ZNF236: variants seen among roughly 807,000 people sequenced by gnomAD.
ZNF236 encodes the protein zinc finger protein 236, also known as regulated by glucose.
ZNF236 carries 50 observed loss-of-function variants against 191.2 expected under a neutral mutation model. The observed-to-expected ratio is 0.26, with a 90% CI of 0.21 to 0.33. ZNF236 has a LOEUF of 0.33. ZNF236 is among the 10% of genes least tolerant of loss of function. The probability of loss-of-function intolerance (pLI) is 1.00; values close to 1 mark genes in which losing one functional copy is unlikely to be tolerated. For missense variants in ZNF236, 1,754 were observed against 2,374.5 expected (o/e 0.74, Z 5.43); for synonymous variants, 907 against 928.8 (o/e 0.98, Z 0.43).
In ZNF236 at chr18:76,880,756, G is replaced by C. The variant is rs1976869585; in HGVS notation, c.1188+440G>C. 6.6e-6 allele frequency among the ~76,000 whole-genome samples: 1 copy of C among 152,142 alleles called. No individual in the cohort carries two copies. The highest frequency in any genetic ancestry group is 6.5e-5 in the Admixed American group (1 of 15,280). ...GGGCAGCACCTGCACGTGTGGGAGA[G>C]GAGGGGGGCAGGAGCGCAGAGCCCC... On this transcript the variant is annotated intron_variant, in intron 8 of 30. Transcript: ENST00000320610. This position sits in a 1 kb window ranked among gnomAD's most constrained non-coding sequence, Gnocchi z 5.0.
At chr18:76,929,009 A>C (rs1363999047) in intron 25 of ZNF236, among the ~76,000 whole-genome samples, 1 of 148,702 alleles carries the variant, frequency 6.7e-6, no homozygotes, top group African/African-American at 2.5e-5. Context: ...CTGATGTGAC[A>C]GAGGGAAGCA....
chr18:76,908,875 G>A (rs971895627), intron 14 of ZNF236, among the ~76,000 whole-genome samples: 2 of 152,060 alleles, frequency 1.3e-5, no homozygotes, highest in African/African-American at 2.4e-5. Flanking sequence ...TTTTAGGACT[G>A]CAGCAAAATC....
At chr18:76,949,213 A>AT (rs1197616240) in intron 27 of ZNF236, among the ~76,000 whole-genome samples, 1 of 152,166 alleles carries the variant, frequency 6.6e-6, no homozygotes, top group Non-Finnish European at 1.5e-5. Flanking sequence ...TAATTCCTAT[A>AT]TTTTATGTGA....
chr18:76,879,246 T>G (rs1416384418), intron 7 of ZNF236, among the ~76,000 whole-genome samples: 1 of 152,216 alleles, frequency 6.6e-6, no homozygotes. Context: ...TATAGGGATT[T>G]AGAAACCTGG....
At chr18:76,914,002 C>A in intron 18 of ZNF236, 104 bp downstream of exon 18, 1 of 1,286,746 alleles carries the variant, frequency 7.8e-7, no homozygotes, top group Non-Finnish European at 1.1e-6. Flanking sequence ...GTGTACAATT[C>A]AGTGATTTTT....
intron 11 of ZNF236, among the ~76,000 whole-genome samples, chr18:76,902,702 G>A (rs948593291): frequency 6.6e-6 from 1 of 151,306 alleles, no homozygotes; most frequent in African/African-American, 2.4e-5. Flanking sequence ...TTCCTGAGTA[G>A]CTAGGACTAC....
chr18:76,966,617 C>G lies in ZNF236; in HGVS notation c.5420-1598C>G, dbSNP rs975599261. On this transcript the variant is annotated intron_variant, in intron 30 of 30. Transcript: ENST00000320610. ...GCAGTTCAGGTGCTGTCTCGGTGCTCAGGGGCACAGAGCAAACAGAATCTG... is the reference window on the plus strand; with the variant it reads ...GCAGTTCAGGTGCTGTCTCGGTGCTGAGGGGCACAGAGCAAACAGAATCTG... Among the ~76,000 whole-genome samples, 16 of 152,284 alleles carry G rather than the reference C, an allele frequency of 1.1e-4. No individual in the cohort carries two copies. In the South Asian group the frequency reaches 2.5e-3, roughly 24 times the overall value.
chr18:76,887,049 A>G (rs1977078833), intron 9 of ZNF236: 5 of 155,140 alleles, frequency 3.2e-5, no homozygotes, highest in African/African-American at 1.2e-4. Flanking sequence ...GTCAATGCTG[A>G]AAAACCCAGC....
At position 76,927,021 on chromosome 18, in the gene ZNF236, C is replaced by G; in HGVS notation, c.4028-16C>G. On this transcript the variant is annotated splice_polypyrimidine_tract_variant and intron_variant, in intron 22 of 30. Coordinates refer to ENST00000320610, the MANE Select transcript of ZNF236 (RefSeq NM_001306089.2). This position sits in a 1 kb window ranked among gnomAD's most constrained non-coding sequence, Gnocchi z 5.4. ...TTCATAATATTTGATCATTCTCTTT[C>G]TCTTTCTCTGGCCAGCTGGGGGTGA... 4 of 1,590,632 alleles carry G rather than the reference C, an allele frequency of 2.5e-6. No homozygotes were observed. The highest frequency in any genetic ancestry group is 3.4e-6 in the Non-Finnish European group (4 of 1,165,724).
intron 17 of ZNF236, among the ~76,000 whole-genome samples, chr18:76,913,124 A>G (rs929031062): frequency 1.3e-5 from 2 of 152,258 alleles, no homozygotes; most frequent in African/African-American, 4.8e-5. Flanking sequence ...AATGGACAAA[A>G]GAGACATACT....
rs1029152287 is a variant in ZNF236, at chr18:76,970,736, A to T, written c.*2397A>T. On this transcript the variant is annotated 3_prime_UTR_variant, in exon 31 of 31. Transcript: ENST00000320610. ...AAGATGAAGTTAGGAAATGTGATTA[A>T]TTTTTTTCGTTTGAAAATATTTAAG... The T allele has an allele frequency of 3.3e-5, 5 of 152,372 alleles. No individual in the cohort carries two copies. The East Asian group carries it at 5.8e-4, about 18-fold the overall frequency. 9.4% of individuals were successfully genotyped at this position (152,372 alleles called of 1,614,324 possible).
rs1968850956 is a variant in ZNF236 at position 76,968,900 on chromosome 18, C to T, written c.*561C>T. On this transcript the variant is annotated 3_prime_UTR_variant, in exon 31 of 31. Transcript: ENST00000320610. ...TACCATAAGTTAATATAACTGATAC[C>T]TTGAGAGATGGCTGGACCAATTCTC... 1.0e-6 allele frequency: 1 copy of T among 984,910 alleles called. No homozygotes were observed. Among genetic ancestry groups the T allele is most frequent in the Non-Finnish European group, 1.2e-6 (1 of 829,766 alleles). The allele number at this position is 984,910 out of a possible 1,614,324, so 61.0% of individuals were successfully genotyped here.
chr18:76,902,674 C>T (rs773111073), intron 11 of ZNF236, among the ~76,000 whole-genome samples: 1 of 152,102 alleles, frequency 6.6e-6, no homozygotes, highest in East Asian at 1.9e-4. Context: ...CGGGTTCAAG[C>T]GATTCTCCTG....
Position 76,853,883 on chromosome 18 carries a change from C to T in ZNF236, c.363+1944C>T, listed in dbSNP as rs182563343. Among the ~76,000 whole-genome samples the T allele has an allele frequency of 9.2e-5, 14 of 151,840 alleles. No homozygotes were observed. The East Asian group carries it at 2.5e-3, about 27-fold the overall frequency. The stretch of plus-strand genomic sequence containing the variant: ...AAAATTAGCCAGGCATGGTGGCAGG[C>T]CCTATAATCCCAGCTACTCCGGAGG... On this transcript the variant is annotated intron_variant, in intron 3 of 30. Transcript: ENST00000320610.
intron 25 of ZNF236, among the ~76,000 whole-genome samples, chr18:76,932,624 C>A (rs1251133643): frequency 6.6e-6 from 1 of 152,170 alleles, no homozygotes; most frequent in African/African-American, 2.4e-5. Context: ...TGGATTCATG[C>A]CCTGCTGGCC....
chr18:76,908,464 C>T lies in ZNF236; in HGVS notation c.2442C>T (p.Val814=), dbSNP rs377268404. ...AGCTGCCGCAGACGGCAGAGGTGGT[C>T]GCAGCGAACCCCGAGGCCATGCTGG... ...SDELPQTAEV[V]AANPEAMLDL... is the part of the protein sequence containing the mutation. Residue 814 remains valine (V), a synonymous_variant, in exon 14 of 31, where the codon GTC becomes GTT. Coordinates refer to ENST00000320610, the MANE Select transcript of ZNF236 (RefSeq NM_001306089.2). The T allele has an allele frequency of 1.1e-4, 175 of 1,614,172 alleles. No homozygotes were observed. In the South Asian group the frequency reaches 1.2e-3, roughly 11 times the overall value.
intron 14 of ZNF236, 43 bp downstream of exon 14, chr18:76,908,616 G>A (rs749494447): frequency 6.4e-7 from 1 of 1,562,566 alleles, no homozygotes; most frequent in Non-Finnish European, 8.6e-7. Flanking sequence ...TCCCAGCAGA[G>A]TTTTGCAGCC....
chr18:76,932,013 G>A (rs1192261370), intron 25 of ZNF236, among the ~76,000 whole-genome samples: 1 of 152,230 alleles, frequency 6.6e-6, no homozygotes, highest in Non-Finnish European at 1.5e-5. Flanking sequence ...TATAGTGTCT[G>A]CTGTGTGCTA....
At position 76,897,369 on chromosome 18, in the gene ZNF236, A is replaced by G. The variant is rs117600922; in HGVS notation, c.1691-1650A>G. Among the ~76,000 whole-genome samples, 364 of 151,610 alleles carry G rather than the reference A, an allele frequency of 2.4e-3. 14 individuals are homozygous for G. The East Asian group carries it at 0.066, about 28-fold the overall frequency. On this transcript the variant is annotated intron_variant, in intron 10 of 30. Transcript: ENST00000320610. The stretch of plus-strand genomic sequence containing the variant: ...ACAGTAATAAACAGTACTGCACACA[A>G]GTAGTACATAGAGTACCAAACACAG...
Sources: allele counts gnomAD v4.1 joint callset (sites outside exome capture counted in the v4.1 genomes callset), GRCh38; gene constraint gnomAD v4.1.1; non-coding constraint Gnocchi (gnomAD v3.1); transcripts MANE v1.5; gene names NCBI Gene and HGNC (gene_info 2026-07-23, HGNC 2026-07-21).